DGLUCY: variants seen among roughly 807,000 people sequenced by gnomAD.
The protein encoded by DGLUCY is D-glutamate cyclase, mitochondrial.
In DGLUCY, 58 loss-of-function variants were observed where a neutral mutation model predicts 58.5. The ratio of observed to expected loss-of-function variants is 0.99; its 90% CI spans 0.80 to 1.23. The LOEUF (loss-of-function observed/expected upper bound fraction) is 1.23, where lower values mean the gene tolerates loss of function less well. Among genes scored for constraint, DGLUCY ranks in the 50% most tolerant of loss-of-function variants. DGLUCY has a pLI of 0.00. For synonymous variants in DGLUCY, 325 were observed against 314.1 expected (o/e 1.03, Z -0.37); for missense variants, 779 against 784.7 (o/e 0.99, Z 0.09).
chr14:91,137,616 T>C (rs1486022226), intron 1 of DGLUCY, among the ~76,000 whole-genome samples: 1 of 151,752 alleles, frequency 6.6e-6, no homozygotes, highest in African/African-American at 2.4e-5. Context: ...AGGATGGTCT[T>C]GATCTCCTGA....
Position 91,189,022 on chromosome 14 carries a change from T to C in DGLUCY, c.1047T>C (p.Asn349=). The C allele has an allele frequency of 6.2e-7, 1 of 1,614,176 alleles. No individual in the cohort carries two copies. Among genetic ancestry groups the C allele is most frequent in the Non-Finnish European group, 8.5e-7 (1 of 1,180,022 alleles). ...CCACTGGGTTCCCCACACATTTCAA[T>C]CATGAGCCTCCAGAAGAGACAGATG... ...LITTGFPTHF[N]HEPPEETDGP... Residue 349 remains asparagine, a synonymous_variant, in exon 9 of 14, where the codon AAT becomes AAC. Transcript: ENST00000256324.
intron 1 of DGLUCY, among the ~76,000 whole-genome samples, chr14:91,136,187 C>A (rs2046329005): frequency 6.6e-6 from 1 of 151,458 alleles, no homozygotes; most frequent in African/African-American, 2.4e-5. Flanking sequence ...CCTGCCTCGG[C>A]CTCCCAAAGT....
chr14:91,090,242 T>C (rs1406121245), intron 1 of DGLUCY, among the ~76,000 whole-genome samples: 2 of 151,862 alleles, frequency 1.3e-5, no homozygotes, highest in South Asian at 4.2e-4. Context: ...CCCCCACAGA[T>C]GAGGAAGTAA....
intron 5 of DGLUCY, among the ~76,000 whole-genome samples, chr14:91,172,881 G>A (rs941974220): frequency 1.3e-5 from 2 of 152,092 alleles, no homozygotes; most frequent in African/African-American, 2.4e-5. Context: ...TCCTGACCTC[G>A]TGATCCGCCC....
intron 11 of DGLUCY, 150 bp from the exon 12 acceptor site, chr14:91,204,556 A>C (rs1261115411): frequency 1.9e-6 from 2 of 1,035,150 alleles, no homozygotes; most frequent in Non-Finnish European, 2.8e-6. Flanking sequence ...CCTAAGGGGA[A>C]GTACCACAAC....
intron 12 of DGLUCY, among the ~76,000 whole-genome samples, chr14:91,205,033 G>GTTA: frequency 6.6e-6 from 1 of 152,260 alleles, no homozygotes; most frequent in South Asian, 2.1e-4. Flanking sequence ...GAGCACTGGG[G>GTTA]TTATAGCTGC....
chr14:91,108,526 T>TGTGTGTGAGAGAGA (rs1265665234), intron 1 of DGLUCY, among the ~76,000 whole-genome samples: 28 of 52,180 alleles, frequency 5.4e-4, no homozygotes, highest in Admixed American at 1.6e-3. Flanking sequence ...TGTGTGTGTG[T>TGTGTGTGAGAGAGA]GAGAGAGAGA....
intron 7 of DGLUCY, among the ~76,000 whole-genome samples, 162 bp from the exon 8 acceptor site, chr14:91,181,024 A>G (rs967039912): frequency 1.3e-5 from 2 of 152,240 alleles, no homozygotes; most frequent in African/African-American, 2.4e-5. Flanking sequence ...TGATGTAGCT[A>G]TAAACCAGCT....
Position 91,189,038 on chromosome 14 carries a change from G to A in DGLUCY, c.1063G>A (p.Glu355Lys). 1 of 1,614,186 alleles carries A rather than the reference G, an allele frequency of 6.2e-7. No homozygotes were observed. Among genetic ancestry groups the A allele is most frequent in the South Asian group, 1.1e-5 (1 of 91,082 alleles). Residue 355 changes from glutamate (E) to lysine (K), a missense_variant, in exon 9 of 14, where the codon GAG becomes AAG. Transcript: ENST00000256324. ...ACATTTCAATCATGAGCCTCCAGAA[G>A]AGACAGATGGCCCACCAGGAGCTGT... ...PTHFNHEPPE[E>K]TDGPPGAVAL...
intron 8 of DGLUCY, 82 bp from the exon 9 acceptor site, chr14:91,188,828 T>A: frequency 7.0e-7 from 1 of 1,428,496 alleles, no homozygotes; most frequent in African/African-American, 1.4e-5. Flanking sequence ...AACCCTATCA[T>A]AAGTAAATAA....
At chr14:91,163,108 G>A (rs1477074120) in intron 3 of DGLUCY, among the ~76,000 whole-genome samples, 1 of 151,648 alleles carries the variant, frequency 6.6e-6, no homozygotes, top group Non-Finnish European at 1.5e-5. Flanking sequence ...AGATACAAAA[G>A]AATTAGCCAG....
chr14:91,100,690 G>T (rs557026787), intron 1 of DGLUCY, among the ~76,000 whole-genome samples: 3 of 152,316 alleles, frequency 2.0e-5, no homozygotes, highest in Admixed American at 1.3e-4. Flanking sequence ...GCCTCCTGGG[G>T]AGCTGAGAAA....
chr14:91,223,591 C>A, intron 13 of DGLUCY: 1 of 1,104,568 alleles, frequency 9.1e-7, no homozygotes, highest in Non-Finnish European at 1.2e-6. Flanking sequence ...ACATTAGTGG[C>A]TTGGGCAAGT....
At chr14:91,108,220 C>T (rs948965151) in intron 1 of DGLUCY, among the ~76,000 whole-genome samples, 5 of 151,862 alleles carry the variant, frequency 3.3e-5, no homozygotes, top group Admixed American at 2.6e-4. Context: ...GGGAGTCGAG[C>T]GTACAAGTGT....
chr14:91,220,261 C>G (rs1417539097), intron 13 of DGLUCY, among the ~76,000 whole-genome samples: 3 of 152,330 alleles, frequency 2.0e-5, no homozygotes, highest in East Asian at 1.9e-4. Flanking sequence ...TCGGTCTCCT[C>G]GAGTGGGGCC....
intron 4 of DGLUCY, among the ~76,000 whole-genome samples, chr14:91,169,079 T>C (rs2048430551): frequency 6.6e-6 from 1 of 151,038 alleles, no homozygotes; most frequent in African/African-American, 2.4e-5. Flanking sequence ...AGAGCAAGAC[T>C]CTGTCTCAAA....
At chr14:91,223,800 G>A (rs1010459203) in intron 13 of DGLUCY, 10 of 943,658 alleles carry the variant, frequency 1.1e-5, no homozygotes, top group Admixed American at 9.1e-5. Flanking sequence ...TTGCTTGTAC[G>A]TAATCCTCAG....
intron 13 of DGLUCY, chr14:91,223,638 T>C (rs1274332075): frequency 3.9e-6 from 5 of 1,273,932 alleles, no homozygotes; most frequent in Non-Finnish European, 5.1e-6. Flanking sequence ...GGAGGGGGGA[T>C]GGAGGAGGAT....
intron 7 of DGLUCY, among the ~76,000 whole-genome samples, chr14:91,178,993 C>T (rs567479479): frequency 6.6e-6 from 1 of 152,224 alleles, no homozygotes; most frequent in South Asian, 2.1e-4. Context: ...CACTGCACTC[C>T]AGCCTGGGTG....
Sources: gnomAD v4.1 joint callset for allele counts (sites outside exome capture counted in the v4.1 genomes callset) on GRCh38, gnomAD v4.1.1 for gene constraint, MANE v1.5 for transcripts, NCBI Gene and HGNC (gene_info 2026-07-23, HGNC 2026-07-21) for gene names.